Variants in SYN3 observed in about 807,000 individuals in gnomAD.
SYN3 encodes synapsin III, also known as synapsin-3.
SYN3 carries 35 observed loss-of-function variants against 65.8 expected under a neutral mutation model. That is an observed-to-expected ratio of 0.53 (90% confidence interval 0.41 to 0.70). SYN3 has a LOEUF of 0.70. Among genes scored for constraint, SYN3 ranks in the 30% least tolerant of loss-of-function variants. The pLI, the probability that SYN3 is intolerant of heterozygous loss-of-function variation, is 0.00. For missense variants in SYN3, 680 were observed against 749.0 expected (o/e 0.91, Z 1.08); for synonymous variants, 270 against 292.9 (o/e 0.92, Z 0.80).
intron 6 of SYN3, among the ~76,000 whole-genome samples, chr22:32,674,513 C>T (rs1373444739): frequency 1.3e-5 from 2 of 152,124 alleles, no homozygotes; most frequent in African/African-American, 2.4e-5. Context: ...AGGAGATGCA[C>T]AGAAAATGTT....
intron 7 of SYN3, among the ~76,000 whole-genome samples, chr22:32,551,953 T>C (rs1330202941): frequency 2.0e-5 from 3 of 152,192 alleles, no homozygotes; most frequent in Non-Finnish European, 4.4e-5. Context: ...TTGTAGATAT[T>C]CTAAAAAACA....
rs368322787 is a variant in SYN3, at chr22:32,841,020, T to C, written c.711+23895A>G. Reference sequence around the variant, plus strand: ...GAGAATTGCTGTTACCCCCTTTTGATTGAATAAGACTTAGAAAGACTGGTC... The same window carrying C: ...GAGAATTGCTGTTACCCCCTTTTGACTGAATAAGACTTAGAAAGACTGGTC... On this transcript the variant is annotated intron_variant, in intron 6 of 13. Coordinates refer to ENST00000358763, the MANE Select transcript of SYN3 (RefSeq NM_003490.4). Among the ~76,000 whole-genome samples, 22 of 152,306 alleles carry C rather than the reference T, an allele frequency of 1.4e-4. No homozygotes were observed. In the East Asian group the frequency reaches 3.5e-3, roughly 24 times the overall value.
intron 3 of SYN3, among the ~76,000 whole-genome samples, chr22:32,956,328 G>T (rs1283755145): frequency 1.3e-5 from 2 of 151,794 alleles, no homozygotes; most frequent in Non-Finnish European, 2.9e-5. Context: ...GCTAATTTTT[G>T]TATTTTTAGT....
chr22:32,590,778 A>C (rs902598082), intron 7 of SYN3, among the ~76,000 whole-genome samples: 43 of 152,200 alleles, frequency 2.8e-4, no homozygotes, highest in African/African-American at 1.0e-3. Context: ...AATAAAGTTG[A>C]GCCTATTTTC....
At chr22:32,545,148 T>C (rs1041668876) in intron 7 of SYN3, among the ~76,000 whole-genome samples, 2 of 152,170 alleles carry the variant, frequency 1.3e-5, no homozygotes, top group African/African-American at 2.4e-5. Flanking sequence ...GTGTGGACCA[T>C]CTTTGACAGT....
At chr22:32,788,322 A>T (rs182531742) in intron 6 of SYN3, among the ~76,000 whole-genome samples, 1 of 152,248 alleles carries the variant, frequency 6.6e-6, no homozygotes, top group Non-Finnish European at 1.5e-5. Context: ...TGGACGAATC[A>T]CGAGGTCAGG....
chr22:32,717,456 G>A (rs1322801812), intron 6 of SYN3, among the ~76,000 whole-genome samples: 2 of 152,314 alleles, frequency 1.3e-5, no homozygotes, highest in South Asian at 2.1e-4. Flanking sequence ...AGTGAGGGCT[G>A]TGCATGTGGC....
At chr22:32,776,876 C>G (rs1337928121) in intron 6 of SYN3, among the ~76,000 whole-genome samples, 2 of 152,162 alleles carry the variant, frequency 1.3e-5, no homozygotes, top group Non-Finnish European at 2.9e-5. Context: ...GGTGGGGACA[C>G]CAGCAGCAGG....
chr22:33,034,528 G>A lies in SYN3; in HGVS notation c.-163+23764C>T, dbSNP rs141132736. Among the ~76,000 whole-genome samples, 15 of 152,112 alleles carry A rather than the reference G, an allele frequency of 9.9e-5. No homozygotes were observed. In the East Asian group the frequency reaches 2.9e-3, roughly 30 times the overall value. On this transcript the variant is annotated intron_variant, in intron 1 of 13. Coordinates refer to ENST00000358763, the MANE Select transcript of SYN3 (RefSeq NM_003490.4). ...CCCAAAGTGCTGGGATTACAGGGGT[G>A]AGCCACCACGCTCGGCCAGTATGTA...
At chr22:32,821,616 A>G (rs1203053540) in intron 6 of SYN3, among the ~76,000 whole-genome samples, 1 of 152,240 alleles carries the variant, frequency 6.6e-6, no homozygotes. Context: ...GGGGCAAGGC[A>G]AATCGGATGG....
chr22:32,854,743 C>T (rs529334758), intron 6 of SYN3, among the ~76,000 whole-genome samples: 4 of 152,272 alleles, frequency 2.6e-5, no homozygotes, highest in African/African-American at 9.6e-5. Context: ...TGAGTGTGGA[C>T]GGCACTTCTT....
At chr22:32,547,745 G>A (rs2058355753) in intron 7 of SYN3, among the ~76,000 whole-genome samples, 1 of 152,188 alleles carries the variant, frequency 6.6e-6, no homozygotes, top group African/African-American at 2.4e-5. Context: ...GAGGTCTCCT[G>A]TTCCAAATTA....
chr22:32,568,347 T>C (rs2058701387), intron 7 of SYN3, among the ~76,000 whole-genome samples: 1 of 152,230 alleles, frequency 6.6e-6, no homozygotes, highest in Non-Finnish European at 1.5e-5. Context: ...TACAAATATT[T>C]ATTGAGGGTA....
At chr22:32,739,233 T>A (rs529470865) in intron 6 of SYN3, among the ~76,000 whole-genome samples, 1 of 152,192 alleles carries the variant, frequency 6.6e-6, no homozygotes, top group South Asian at 2.1e-4. Flanking sequence ...TCATGAGATC[T>A]GATGATTTTA....
chr22:33,042,859 T>G (rs553257213), intron 1 of SYN3, among the ~76,000 whole-genome samples: 4 of 152,286 alleles, frequency 2.6e-5, no homozygotes, highest in African/African-American at 9.6e-5. Context: ...GCTAAAGTAG[T>G]GCTCCATGAA....
intron 6 of SYN3, chr22:32,864,504 G>T (rs375737803): frequency 1.1e-4 from 18 of 162,662 alleles, no homozygotes; most frequent in Middle Eastern, 3.2e-3. Context: ...AACAACCAAT[G>T]CAAATCAAAT....
At chr22:32,935,273 C>T (rs954083092) in intron 3 of SYN3, among the ~76,000 whole-genome samples, 1 of 144,322 alleles carries the variant, frequency 6.9e-6, no homozygotes, top group Non-Finnish European at 1.6e-5. Flanking sequence ...TAGACTCATT[C>T]TCTCTCTCTC....
chr22:32,704,552 G>A (rs2060853998), intron 6 of SYN3, among the ~76,000 whole-genome samples: 1 of 152,152 alleles, frequency 6.6e-6, no homozygotes, highest in Non-Finnish European at 1.5e-5. Flanking sequence ...CTTTATGGTA[G>A]AACAATTTAT....
At chr22:32,712,287 TCTTC>T (rs1383188158) in intron 6 of SYN3, among the ~76,000 whole-genome samples, 2 of 152,226 alleles carry the variant, frequency 1.3e-5, no homozygotes, top group Admixed American at 6.5e-5. Context: ...CTTCATGCAC[TCTTC>T]CTAATATTGC....
Sources: gnomAD v4.1 joint callset for allele counts (sites outside exome capture counted in the v4.1 genomes callset) on GRCh38, gnomAD v4.1.1 for gene constraint, MANE v1.5 for transcripts, NCBI Gene and HGNC (gene_info 2026-07-23, HGNC 2026-07-21) for gene names.